NT5DC1: variants seen among roughly 807,000 people sequenced by gnomAD.
NT5DC1 encodes the protein 5'-nucleotidase domain containing 1, also known as 5'-nucleotidase domain-containing protein 1.
NT5DC1 carries 42 observed loss-of-function variants against 59.4 expected under a neutral mutation model. That is an observed-to-expected ratio of 0.71 (90% confidence interval 0.55 to 0.92). The LOEUF (loss-of-function observed/expected upper bound fraction) is 0.92, where lower values mean the gene tolerates loss of function less well. Among genes scored for constraint, NT5DC1 ranks in the 40% least tolerant of loss-of-function variants. NT5DC1 has a pLI of 0.00. For synonymous variants in NT5DC1, 172 were observed against 188.1 expected, an observed-to-expected ratio of 0.91 and a Z score of 0.70; for missense variants, 501 against 537.1, an observed-to-expected ratio of 0.93 and a Z score of 0.66.
rs78358330 is a variant in NT5DC1 at position 116,232,286 on chromosome 6, A to C, written c.803-4680A>C. On this transcript the variant is annotated intron_variant, in intron 8 of 11. Transcript: ENST00000319550. ...TTTAACTTATGATTTGGGGAGAAACATAATTCAGGCCATAACAAGTATATA... is the reference window on the plus strand; with the variant it reads ...TTTAACTTATGATTTGGGGAGAAACCTAATTCAGGCCATAACAAGTATATA... Among the ~76,000 whole-genome samples, 1,491 of 152,314 alleles carry C rather than the reference A, an allele frequency of 9.8e-3. 63 individuals carry two copies. The highest frequency in any genetic ancestry group is 0.082 in the Admixed American group (1,255 of 15,288).
intron 6 of NT5DC1, among the ~76,000 whole-genome samples, chr6:116,128,953 T>A (rs922087663): frequency 6.6e-6 from 1 of 152,184 alleles, no homozygotes; most frequent in Non-Finnish European, 1.5e-5. Flanking sequence ...TTTATAGTAG[T>A]GAGAATAGTT....
chr6:116,220,439 C>G (rs1781775600), intron 6 of NT5DC1, among the ~76,000 whole-genome samples: 1 of 152,146 alleles, frequency 6.6e-6, no homozygotes, highest in East Asian at 1.9e-4. Flanking sequence ...TTCAGTGATG[C>G]GAGTCATTCA....
intron 6 of NT5DC1, among the ~76,000 whole-genome samples, chr6:116,174,111 A>G (rs994797943): frequency 1.3e-5 from 2 of 152,198 alleles, no homozygotes; most frequent in Non-Finnish European, 2.9e-5. Context: ...TTATCACATC[A>G]TATGAGGGGT....
intron 6 of NT5DC1, among the ~76,000 whole-genome samples, chr6:116,210,438 G>A (rs193147754): frequency 6.6e-6 from 1 of 151,836 alleles, no homozygotes; most frequent in Admixed American, 6.6e-5. Flanking sequence ...TTGTAACTGG[G>A]CAGTATTGCA....
At chr6:116,118,140 C>A (rs1042530399) in intron 6 of NT5DC1, 195 bp downstream of exon 6, 5 of 607,602 alleles carry the variant, frequency 8.2e-6, no homozygotes, top group African/African-American at 7.5e-5. Context: ...CTATAATTGC[C>A]CATATTCCAA....
chr6:116,106,823 C>T (rs1011630742), intron 2 of NT5DC1, among the ~76,000 whole-genome samples: 2 of 152,168 alleles, frequency 1.3e-5, no homozygotes, highest in African/African-American at 4.8e-5. Context: ...CTCTCAGCTT[C>T]CCAAAGCTTC....
chr6:116,175,913 ATTGATTAAC>A (rs1242651771), intron 6 of NT5DC1, among the ~76,000 whole-genome samples: 3 of 151,892 alleles, frequency 2.0e-5, no homozygotes, highest in African/African-American at 4.8e-5. Context: ...GTCTGTGTCT[ATTGATTAAC>A]TTGTCTTTTA....
At chr6:116,239,179 A>G in intron 11 of NT5DC1, 56 bp downstream of exon 11, 1 of 1,232,440 alleles carries the variant, frequency 8.1e-7, no homozygotes. Flanking sequence ...AATGACCAGT[A>G]CTAGAATTCT....
intron 6 of NT5DC1, among the ~76,000 whole-genome samples, chr6:116,211,867 G>T (rs2114527435): frequency 6.6e-6 from 1 of 152,116 alleles, no homozygotes; most frequent in East Asian, 1.9e-4. Flanking sequence ...TAAAGCTAGA[G>T]AGCCTACACC....
chr6:116,120,936 GT>G, intron 6 of NT5DC1: 1 of 1,613,916 alleles, frequency 6.2e-7, no homozygotes, highest in Middle Eastern at 1.7e-4. Context: ...TCGAGACCTG[GT>G]TTTCCTGGGT....
intron 6 of NT5DC1, among the ~76,000 whole-genome samples, chr6:116,220,768 T>G (rs1239252787): frequency 1.3e-5 from 2 of 152,260 alleles, no homozygotes; most frequent in African/African-American, 4.8e-5. Flanking sequence ...CATTTGAAAA[T>G]GCTGATCATA....
rs138814091 is a variant in NT5DC1 at position 116,144,268 on chromosome 6, C to T, written c.529+26323C>T. Among the ~76,000 whole-genome samples the T allele has an allele frequency of 1.2e-3, 181 of 152,132 alleles. 1 individual carries two copies. Among genetic ancestry groups the T allele is most frequent in the African/African-American group, 4.1e-3 (172 of 41,478 alleles). On this transcript the variant is annotated intron_variant, in intron 6 of 11. Coordinates refer to ENST00000319550, the MANE Select transcript of NT5DC1 (RefSeq NM_152729.3). ...CCTGTATCCCAGCACTTTGGGAGGC[C>T]GAGGCGGGCGGATCATGAAGTCAGG...
In NT5DC1 at chr6:116,100,854, C is replaced by G. The variant is rs1778624175; in HGVS notation, c.-77C>G. 1.7e-6 allele frequency: 2 copies of G among 1,161,204 alleles called. No homozygotes were observed. The highest frequency in any genetic ancestry group is 1.2e-6 in the Non-Finnish European group (1 of 832,474). 71.9% of individuals were successfully genotyped at this position (1,161,204 alleles called of 1,614,324 possible). ...CCGCCCCGCCGCGTCCGGCCCGGTC[C>G]TGTCCCGCAGCGTCCCGCCAGCCAG... On this transcript the variant is annotated 5_prime_UTR_variant, in exon 1 of 12. Transcript: ENST00000319550.
rs1390819143 is a variant in NT5DC1 at position 116,183,842 on chromosome 6, G to C, written c.530-37212G>C. On this transcript the variant is annotated intron_variant, in intron 6 of 11. Transcript: ENST00000319550. ...TTCTAGGTATATGATCATGTCATCAGCAGAAGCAACAGTTTGACTTCCTCT... is the reference window on the plus strand; with the variant it reads ...TTCTAGGTATATGATCATGTCATCACCAGAAGCAACAGTTTGACTTCCTCT... 2.6e-5 allele frequency among the ~76,000 whole-genome samples: 4 copies of C among 151,980 alleles called. No individual in the cohort carries two copies. The East Asian group carries it at 7.7e-4, about 29-fold the overall frequency.
chr6:116,174,701 C>T (rs1208890459), intron 6 of NT5DC1, among the ~76,000 whole-genome samples: 2 of 152,152 alleles, frequency 1.3e-5, no homozygotes, highest in Non-Finnish European at 2.9e-5. Flanking sequence ...TGTTTTCTCT[C>T]CTTTCTAGCT....
At chr6:116,121,713 G>C in intron 6 of NT5DC1, 1 of 1,614,022 alleles carries the variant, frequency 6.2e-7, no homozygotes, top group Non-Finnish European at 8.5e-7. Flanking sequence ...CGGGGTCCTG[G>C]TAGGCCAGCT....
chr6:116,158,516 T>G (rs1260491145), intron 6 of NT5DC1: 1 of 152,234 alleles, frequency 6.6e-6, no homozygotes, highest in East Asian at 1.9e-4. Flanking sequence ...TTCAGAGAAA[T>G]TATTTAAATA....
At chr6:116,172,415 G>A (rs947166815) in intron 6 of NT5DC1, among the ~76,000 whole-genome samples, 2 of 144,488 alleles carry the variant, frequency 1.4e-5, no homozygotes, top group African/African-American at 5.2e-5. Flanking sequence ...TCTACCTCCC[G>A]GGTTCAGGCA....
intron 8 of NT5DC1, among the ~76,000 whole-genome samples, chr6:116,235,396 G>A (rs987136709): frequency 4.6e-5 from 7 of 152,134 alleles, no homozygotes; most frequent in Non-Finnish European, 8.8e-5. Context: ...TTTCTTTAAA[G>A]AATAGTGGGA....
Sources: gnomAD v4.1 joint callset for allele counts (sites outside exome capture counted in the v4.1 genomes callset) on GRCh38, gnomAD v4.1.1 for gene constraint, MANE v1.5 for transcripts, NCBI Gene and HGNC (gene_info 2026-07-23, HGNC 2026-07-21) for gene names.